Variants in SIRT2 observed in about 807,000 individuals in gnomAD.
The protein encoded by SIRT2 is sirtuin 2, also known as NAD-dependent protein deacetylase sirtuin-2.
A neutral mutation model predicts 57.4 loss-of-function variants in SIRT2; 40 were observed. That is an observed-to-expected ratio of 0.70 (90% CI 0.54 to 0.91). The LOEUF (loss-of-function observed/expected upper bound fraction) is 0.91, where lower values mean the gene tolerates loss of function less well. SIRT2 is among the 40% of genes least tolerant of loss of function. The pLI, the probability that SIRT2 is intolerant of heterozygous loss-of-function variation, is 0.00. For missense variants in SIRT2, 439 were observed against 510.4 expected, an observed-to-expected ratio of 0.86 and a Z score of 1.35; for synonymous variants, 161 against 195.7, an observed-to-expected ratio of 0.82 and a Z score of 1.48.
chr19:38,879,808 G>GTT, intron 13 of SIRT2, 106 bp from the exon 14 acceptor site: 37 of 674,884 alleles, frequency 5.5e-5, no homozygotes, highest in South Asian at 8.7e-5. Context: ...CTGTGACTTT[G>GTT]TTTTTTTTTT....
At chr19:38,887,617 C>T (rs946021633) in intron 8 of SIRT2, among the ~76,000 whole-genome samples, 1 of 152,176 alleles carries the variant, frequency 6.6e-6, no homozygotes, top group Admixed American at 6.5e-5. Flanking sequence ...AACACCTCGC[C>T]CACCTGAGAA....
chr19:38,884,379 T>C (rs1305847057), intron 8 of SIRT2, among the ~76,000 whole-genome samples: 1 of 152,220 alleles, frequency 6.6e-6, no homozygotes, highest in Non-Finnish European at 1.5e-5. Flanking sequence ...CACAGCTGCA[T>C]GTGGCAGCTC....
chr19:38,883,575 C>T, intron 9 of SIRT2, 52 bp downstream of exon 9: 3 of 1,596,056 alleles, frequency 1.9e-6, no homozygotes, highest in Non-Finnish European at 2.6e-6. Context: ...CATGGAGACA[C>T]TGCTCCTGGT....
chr19:38,879,370 C>T (rs910136319), intron 15 of SIRT2, 60 bp from the exon 16 acceptor site: 30 of 1,604,294 alleles, frequency 1.9e-5, no homozygotes, highest in Non-Finnish European at 2.5e-5. Flanking sequence ...TCAGAGGACC[C>T]ATGGGGTGGG....
Position 38,893,859 on chromosome 19 carries a change from A to G in SIRT2, c.72T>C (p.Asp24=), listed in dbSNP as rs201037241. The change falls in exon 3 of 16, where the codon GAT becomes GAC. Residue 24 remains aspartate (D), a synonymous_variant. Transcript: ENST00000249396. ...AGKVQEAQDS[D]SDSEGGAAGG... ...CAGCGGCTCCTCCCTCAGAGTCTGAATCTGAGTCCTGGAAGGGGTGGGGTG... is the reference window on the plus strand; with the variant it reads ...CAGCGGCTCCTCCCTCAGAGTCTGAGTCTGAGTCCTGGAAGGGGTGGGGTG... 12 of 1,614,026 alleles carry G rather than the reference A, an allele frequency of 7.4e-6. No individual in the cohort carries two copies. In the East Asian group the frequency reaches 2.7e-4, roughly 36 times the overall value.
At chr19:38,888,073 G>A (rs1178095987) in intron 8 of SIRT2, among the ~76,000 whole-genome samples, 2 of 151,996 alleles carry the variant, frequency 1.3e-5, no homozygotes, top group Non-Finnish European at 2.9e-5. Context: ...ATAATTCGGG[G>A]TTCTGAGGTG....
intron 4 of SIRT2, among the ~76,000 whole-genome samples, chr19:38,892,969 A>C (rs1973591482): frequency 6.6e-6 from 1 of 152,220 alleles, no homozygotes; most frequent in South Asian, 2.1e-4. Flanking sequence ...GGTCAATCAG[A>C]GTGCAGTAAT....
chr19:38,889,399 G>T, intron 7 of SIRT2: 1 of 699,252 alleles, frequency 1.4e-6, no homozygotes, highest in South Asian at 1.5e-5. Flanking sequence ...TCACACCCAG[G>T]CAGCCCGGCT....
chr19:38,897,753 T>C (rs1021075038), intron 2 of SIRT2, among the ~76,000 whole-genome samples: 1 of 152,176 alleles, frequency 6.6e-6, no homozygotes, highest in Non-Finnish European at 1.5e-5. Flanking sequence ...CTGGAACTCC[T>C]GGGCTCAAGC....
At chr19:38,892,763 C>CG (rs557806367) in intron 4 of SIRT2, among the ~76,000 whole-genome samples, 201 of 146,842 alleles carry the variant, frequency 1.4e-3, no homozygotes, top group Middle Eastern at 6.8e-3. Context: ...GTAGAGATGG[C>CG]GGGGGGGTCT....
intron 4 of SIRT2, 78 bp downstream of exon 4, chr19:38,893,336 G>T: frequency 1.1e-6 from 1 of 872,604 alleles, no homozygotes; most frequent in Non-Finnish European, 1.9e-6. Context: ...TTCAATAAAT[G>T]GTTCAAGTGG....
chr19:38,889,822 C>A (rs1452435100), intron 6 of SIRT2, 33 bp downstream of exon 6: 5 of 1,613,276 alleles, frequency 3.1e-6, no homozygotes, highest in Non-Finnish European at 4.2e-6. Flanking sequence ...ATCCCCACCC[C>A]TCACAGACGC....
At chr19:38,894,471 C>T (rs900138128) in intron 2 of SIRT2, 8 of 228,356 alleles carry the variant, frequency 3.5e-5, no homozygotes, top group East Asian at 1.2e-4. Context: ...GGGTGCTGGG[C>T]GCAGCACCAG....
At chr19:38,888,462 G>A (rs981291518) in intron 8 of SIRT2, among the ~76,000 whole-genome samples, 5 of 152,178 alleles carry the variant, frequency 3.3e-5, no homozygotes, top group Non-Finnish European at 7.3e-5. Context: ...GTGAGCCACT[G>A]TGCCCAGCCC....
At position 38,883,055 on chromosome 19, in the gene SIRT2, A is replaced by G. The variant is rs981528137; in HGVS notation, c.631+572T>C. ...AGAATGTCAGAAATGGCTTTCCATG[A>G]GTGGAATAAGTGACTTCTTGTTTTT... On this transcript the variant is annotated intron_variant, in intron 9 of 15. Coordinates refer to ENST00000249396, the MANE Select transcript of SIRT2 (RefSeq NM_012237.4). Among the ~76,000 whole-genome samples, 8 of 147,850 alleles carry G rather than the reference A, an allele frequency of 5.4e-5. No homozygotes were observed. The East Asian group carries it at 1.4e-3, about 26-fold the overall frequency.
intron 4 of SIRT2, 62 bp downstream of exon 4, chr19:38,893,352 G>A: frequency 1.0e-6 from 1 of 984,014 alleles, no homozygotes; most frequent in South Asian, 1.3e-5. Flanking sequence ...AGTGGCTGGG[G>A]ATGGGAGGTC....
intron 1 of SIRT2, 91 bp downstream of exon 1, chr19:38,899,415 C>T: frequency 6.9e-7 from 1 of 1,458,620 alleles, no homozygotes; most frequent in Non-Finnish European, 9.5e-7. Flanking sequence ...CTACTTCCCG[C>T]CCCACCGCGG....
At chr19:38,889,042 G>A (rs774711964) in intron 8 of SIRT2, 45 bp downstream of exon 8, 8 of 1,577,618 alleles carry the variant, frequency 5.1e-6, no homozygotes, top group Admixed American at 5.0e-5. Flanking sequence ...CACCATGCCC[G>A]TTCCACCCGC....
At chr19:38,879,834 G>T (rs954166459) in intron 13 of SIRT2, 132 bp from the exon 14 acceptor site, 183 of 676,476 alleles carry the variant, frequency 2.7e-4, no homozygotes, top group Middle Eastern at 7.6e-4. Context: ...TGTTTTTTTG[G>T]TTTTTTTTGA....
Sources: allele counts gnomAD v4.1 joint callset (sites outside exome capture counted in the v4.1 genomes callset), GRCh38; gene constraint gnomAD v4.1.1; transcripts MANE v1.5; gene names NCBI Gene and HGNC (gene_info 2026-07-23, HGNC 2026-07-21).